Variants in PAG1 observed in about 807,000 individuals in gnomAD.
PAG1 encodes the protein phosphoprotein membrane anchor with glycosphingolipid microdomains 1.
A neutral mutation model predicts 31.7 loss-of-function variants in PAG1; 23 were observed. The observed-to-expected ratio is 0.73, with a 90% CI of 0.52 to 1.03. The LOEUF (loss-of-function observed/expected upper bound fraction) is 1.03. PAG1 is among the 50% of genes least tolerant of loss of function. The pLI, the probability that PAG1 is intolerant of heterozygous loss-of-function variation, is 0.00. For synonymous variants in PAG1, 214 were observed against 210.3 expected, an observed-to-expected ratio of 1.02 and a Z score of -0.15; for missense variants, 473 against 540.7, an observed-to-expected ratio of 0.87 and a Z score of 1.24.
intron 2 of PAG1, among the ~76,000 whole-genome samples, chr8:81,057,969 A>C (rs1306003102): frequency 6.6e-6 from 1 of 152,192 alleles, no homozygotes; most frequent in Non-Finnish European, 1.5e-5. Context: ...CTCCTTGTCT[A>C]GCAGAAGGGA....
intron 2 of PAG1, among the ~76,000 whole-genome samples, chr8:81,057,849 G>A (rs889518171): frequency 5.9e-5 from 9 of 152,138 alleles, no homozygotes; most frequent in African/African-American, 2.2e-4. Context: ...CCTTTTTCAA[G>A]TTAATGACTT....
intron 2 of PAG1, among the ~76,000 whole-genome samples, chr8:81,049,993 C>T (rs1429964319): frequency 3.3e-5 from 5 of 152,230 alleles, no homozygotes; most frequent in South Asian, 4.1e-4. Context: ...GGTCTCTCCC[C>T]GAGTCTGCCC....
At chr8:81,039,955 G>C (rs538143453) in intron 2 of PAG1, among the ~76,000 whole-genome samples, 1 of 152,048 alleles carries the variant, frequency 6.6e-6, no homozygotes. Context: ...TTAATTGTGA[G>C]GAAAAATTTT....
At chr8:81,068,712 A>C (rs930500086) in intron 2 of PAG1, among the ~76,000 whole-genome samples, 5 of 152,228 alleles carry the variant, frequency 3.3e-5, no homozygotes, top group Non-Finnish European at 7.3e-5. Context: ...TAAGATACAA[A>C]CATTGACCTC....
intron 8 of PAG1, among the ~76,000 whole-genome samples, chr8:80,978,422 T>C (rs1343447488): frequency 1.3e-5 from 2 of 152,174 alleles, no homozygotes; most frequent in East Asian, 3.8e-4. Context: ...CCAAAAATTA[T>C]ATGTGGACAG....
intron 2 of PAG1, among the ~76,000 whole-genome samples, chr8:81,046,586 C>G (rs1196998464): frequency 6.6e-6 from 1 of 152,140 alleles, no homozygotes. Flanking sequence ...TTTGGGCAAA[C>G]ATAATTTAAT....
At chr8:81,007,255 T>C (rs943652777) in intron 3 of PAG1, among the ~76,000 whole-genome samples, 1 of 152,034 alleles carries the variant, frequency 6.6e-6, no homozygotes, top group African/African-American at 2.4e-5. Context: ...TGGAAGTTAT[T>C]TGATTTTAAG....
chr8:80,978,153 G>C (rs1248082711), intron 8 of PAG1, among the ~76,000 whole-genome samples: 2 of 152,132 alleles, frequency 1.3e-5, no homozygotes, highest in Non-Finnish European at 2.9e-5. Context: ...TTACAGGCTG[G>C]TGGCTGGCTC....
At chr8:80,993,980 T>TA (rs1021603653) in intron 3 of PAG1, among the ~76,000 whole-genome samples, 9 of 151,428 alleles carry the variant, frequency 5.9e-5, no homozygotes, top group East Asian at 1.9e-4. Context: ...TTAGGTTCAT[T>TA]AAAAAAAATC....
At chr8:81,082,252 C>CAAAA (rs748117144) in intron 1 of PAG1, among the ~76,000 whole-genome samples, 103 of 47,910 alleles carry the variant, frequency 2.1e-3, no homozygotes, top group African/African-American at 5.4e-3. Flanking sequence ...GACTCTGTCT[C>CAAAA]AAAAAAAAAA....
At chr8:81,017,654 A>C (rs1808094547) in intron 3 of PAG1, among the ~76,000 whole-genome samples, 1 of 152,188 alleles carries the variant, frequency 6.6e-6, no homozygotes, top group Admixed American at 6.5e-5. Flanking sequence ...ACAGCTACTC[A>C]AGCTACCCAA....
intron 1 of PAG1, among the ~76,000 whole-genome samples, chr8:81,079,546 T>G (rs1464875053): frequency 6.6e-6 from 1 of 152,066 alleles, no homozygotes; most frequent in African/African-American, 2.4e-5. Flanking sequence ...CGTGAAATTC[T>G]TTACTTCCAT....
chr8:81,031,822 G>A (rs1399042136), intron 2 of PAG1, among the ~76,000 whole-genome samples: 1 of 152,128 alleles, frequency 6.6e-6, no homozygotes, highest in African/African-American at 2.4e-5. Flanking sequence ...ACGAAACAAG[G>A]TCATCAAGAC....
intron 2 of PAG1, among the ~76,000 whole-genome samples, chr8:81,052,817 A>C (rs1808755126): frequency 6.6e-6 from 1 of 152,220 alleles, no homozygotes; most frequent in Non-Finnish European, 1.5e-5. Flanking sequence ...AAATGCTATA[A>C]ACATCTCTGT....
rs1257917818 is a variant in PAG1, at chr8:80,972,883, T to C, written c.*3661A>G. ...CATTCAAAATACATAATAGAACATA[T>C]CCTAATTAAGCACCAGAGTTGTGTC... On this transcript the variant is annotated 3_prime_UTR_variant, in exon 9 of 9. Transcript: ENST00000220597. 2 of 151,842 alleles carry C rather than the reference T, an allele frequency of 1.3e-5. No homozygotes were observed. The highest frequency in any genetic ancestry group is 2.9e-5 in the Non-Finnish European group (2 of 67,994). The allele number at this position is 151,842 out of a possible 1,614,324, so 9.4% of individuals were successfully genotyped here.
At chr8:81,011,414 T>A (rs1807981523) in intron 3 of PAG1, among the ~76,000 whole-genome samples, 1 of 152,220 alleles carries the variant, frequency 6.6e-6, no homozygotes, top group Non-Finnish European at 1.5e-5. Flanking sequence ...TTCTCTTGCC[T>A]GCCGCCATGT....
chr8:81,081,152 T>A (rs1161806095), intron 1 of PAG1, among the ~76,000 whole-genome samples: 1 of 152,148 alleles, frequency 6.6e-6, no homozygotes, highest in East Asian at 1.9e-4. Flanking sequence ...TATCTATTTT[T>A]TAACATATAT....
At chr8:81,107,472 C>T (rs1330164679) in intron 1 of PAG1, among the ~76,000 whole-genome samples, 1 of 152,156 alleles carries the variant, frequency 6.6e-6, no homozygotes, top group Non-Finnish European at 1.5e-5. Context: ...CACGGGCCTC[C>T]TTGCACAGTT....
At chr8:81,098,279 T>C (rs1338444623) in intron 1 of PAG1, among the ~76,000 whole-genome samples, 1 of 152,220 alleles carries the variant, frequency 6.6e-6, no homozygotes, top group African/African-American at 2.4e-5. Context: ...CATAAGATGA[T>C]TATGCAAAAT....
Sources: gnomAD v4.1 joint callset for allele counts (sites outside exome capture counted in the v4.1 genomes callset) on GRCh38, gnomAD v4.1.1 for gene constraint, MANE v1.5 for transcripts, NCBI Gene and HGNC (gene_info 2026-07-23, HGNC 2026-07-21) for gene names.